TENM2: variants seen among roughly 807,000 people sequenced by gnomAD.
TENM2 encodes teneurin transmembrane protein 2.
TENM2 carries 52 observed loss-of-function variants against 245.2 expected under a neutral mutation model. The observed-to-expected ratio is 0.21, with a 90% CI of 0.17 to 0.27. TENM2 has a LOEUF of 0.27. Ranked by LOEUF, TENM2 falls within the 10% of genes least tolerant of loss-of-function variation. The pLI is 1.00. For synonymous variants in TENM2, 1,363 were observed against 1,438.9 expected (o/e 0.95, Z 1.19); for missense variants, 3,046 against 3,666.8 (o/e 0.83, Z 4.37).
At chr5:167,387,113 TA>T (rs1761479025) in intron 2 of TENM2, among the ~76,000 whole-genome samples, 1 of 152,134 alleles carries the variant, frequency 6.6e-6, no homozygotes, top group African/African-American at 2.4e-5. Flanking sequence ...GGTCGTTTTG[TA>T]ATATTGATTA....
chr5:167,203,370 C>T, the TENM2 span, among the ~76,000 whole-genome samples: 22 of 152,276 alleles, frequency 1.4e-4, no homozygotes, highest in South Asian at 4.1e-4. Flanking sequence ...TCTTTCTCTC[C>T]GACCACATAC....
chr5:167,432,016 G>C (rs1277661778), intron 2 of TENM2, among the ~76,000 whole-genome samples: 1 of 119,306 alleles, frequency 8.4e-6, no homozygotes, highest in Non-Finnish European at 1.8e-5. Context: ...AATTTTAAGT[G>C]TATATCTACA....
At chr5:167,750,058 C>T (rs1006583561) in intron 2 of TENM2, among the ~76,000 whole-genome samples, 3 of 151,980 alleles carry the variant, frequency 2.0e-5, no homozygotes, top group Non-Finnish European at 4.4e-5. Context: ...GAAGGCATAC[C>T]GGGGTGAACT....
chr5:167,487,130 T>C (rs1768124545), intron 2 of TENM2, among the ~76,000 whole-genome samples: 1 of 152,214 alleles, frequency 6.6e-6, no homozygotes, highest in African/African-American at 2.4e-5. Context: ...GGAGATTTTC[T>C]TTGAGGACGC....
rs138464920 is a variant in TENM2, at chr5:167,948,611, G to A, written c.713-3977G>A. On this transcript the variant is annotated intron_variant, in intron 3 of 28. Transcript: ENST00000518659. ...GTTCTGGACTGAAGGTAAATCAGGT[G>A]CAGTGTCAGGTCAGCACCAATATTT... 8.3e-4 allele frequency among the ~76,000 whole-genome samples: 126 copies of A among 152,274 alleles called. 2 individuals carry two copies. Among genetic ancestry groups the A allele is most frequent in the African/African-American group, 2.9e-3 (120 of 41,562 alleles).
At chr5:168,049,461 G>A (rs534638071) in intron 6 of TENM2, among the ~76,000 whole-genome samples, 7 of 152,208 alleles carry the variant, frequency 4.6e-5, no homozygotes, top group Non-Finnish European at 7.4e-5. Flanking sequence ...AATGCTTTTC[G>A]AGTAGTGTCC....
At chr5:167,441,732 G>A (rs2127460378) in intron 2 of TENM2, among the ~76,000 whole-genome samples, 1 of 152,314 alleles carries the variant, frequency 6.6e-6, no homozygotes, top group South Asian at 2.1e-4. Flanking sequence ...TGTTGATGAA[G>A]GGCTGAAGAA....
chr5:168,016,826 A>G (rs1216252932), intron 5 of TENM2, among the ~76,000 whole-genome samples: 1 of 152,236 alleles, frequency 6.6e-6, no homozygotes, highest in Non-Finnish European at 1.5e-5. Flanking sequence ...TTTGTCATCT[A>G]TAAAATGGTA....
At chr5:167,216,172 G>A in the TENM2 span, among the ~76,000 whole-genome samples, 1 of 152,234 alleles carries the variant, frequency 6.6e-6, no homozygotes, top group East Asian at 1.9e-4. Context: ...AGAATGGAAA[G>A]CGAAGGCAGT....
chr5:168,080,603 T>C lies in TENM2; in HGVS notation c.1516-9971T>C, dbSNP rs184749180. Among the ~76,000 whole-genome samples the C allele has an allele frequency of 5.3e-4, 80 of 152,352 alleles. 1 individual carries two copies. The highest frequency in any genetic ancestry group is 1.7e-3 in the African/African-American group (71 of 41,588). On this transcript the variant is annotated intron_variant, in intron 7 of 28. Coordinates refer to ENST00000518659, the Ensembl canonical transcript of TENM2. ...ATTTCCCTCTACACACGGTTTTAAG[T>C]GTGTCCCAGAGATTCTGGTATGTTG...
the TENM2 span, among the ~76,000 whole-genome samples, chr5:167,215,237 G>A: frequency 6.6e-6 from 1 of 152,172 alleles, no homozygotes; most frequent in African/African-American, 2.4e-5. Flanking sequence ...CACTTGAGAA[G>A]CTTTTGAAAA....
the TENM2 span, among the ~76,000 whole-genome samples, chr5:167,004,792 G>A: frequency 9.9e-5 from 15 of 152,254 alleles, no homozygotes; most frequent in East Asian, 2.9e-3. Flanking sequence ...TTACGTTATT[G>A]AATGTCAGAG....
chr5:167,580,673 T>A (rs754304993), intron 2 of TENM2, among the ~76,000 whole-genome samples: 1 of 152,236 alleles, frequency 6.6e-6, no homozygotes, highest in Non-Finnish European at 1.5e-5. Context: ...AGCAGATTTC[T>A]GTCTACTGAA....
At chr5:167,818,593 T>A (rs1428210423) in intron 2 of TENM2, among the ~76,000 whole-genome samples, 1 of 152,134 alleles carries the variant, frequency 6.6e-6, no homozygotes, top group Non-Finnish European at 1.5e-5. Flanking sequence ...GGGGTCAGCA[T>A]ATGACTGGCA....
In TENM2 at chr5:167,792,932, G is replaced by A. The variant is rs1043081300; in HGVS notation, c.503-83054G>A. Among the ~76,000 whole-genome samples, 8 of 152,078 alleles carry A rather than the reference G, an allele frequency of 5.3e-5. No individual in the cohort carries two copies. The South Asian group carries it at 1.0e-3, about 20-fold the overall frequency. On this transcript the variant is annotated intron_variant, in intron 2 of 28. Coordinates refer to ENST00000518659, the Ensembl canonical transcript of TENM2. The stretch of plus-strand genomic sequence containing the variant: ...CTGACTGAGCTTTCCAATTTGTCTC[G>A]TTCTTCCTTCTGCCCATCCTGCCAC...
intron 2 of TENM2, among the ~76,000 whole-genome samples, chr5:167,608,750 A>G (rs1186295405): frequency 6.6e-6 from 1 of 152,102 alleles, no homozygotes; most frequent in African/African-American, 2.4e-5. Flanking sequence ...AAAACAAAAC[A>G]TGATTTTTTT....
At chr5:167,020,570 T>C in the TENM2 span, among the ~76,000 whole-genome samples, 1 of 152,190 alleles carries the variant, frequency 6.6e-6, no homozygotes, top group Admixed American at 6.5e-5. Context: ...TTCTCAGCTA[T>C]AAAATAAGGA....
At chr5:167,019,895 G>A in the TENM2 span, among the ~76,000 whole-genome samples, 287 of 152,190 alleles carry the variant, frequency 1.9e-3, 2 homozygotes, top group East Asian at 0.03. Flanking sequence ...CTTATTTAGT[G>A]CCAAGAGCAA....
intron 2 of TENM2, among the ~76,000 whole-genome samples, chr5:167,518,881 C>T (rs1770574595): frequency 6.6e-6 from 1 of 152,030 alleles, no homozygotes; most frequent in African/African-American, 2.4e-5. Context: ...CTTCTTGGGC[C>T]TTGAGAATCT....
Sources: gnomAD v4.1 joint callset for allele counts (sites outside exome capture counted in the v4.1 genomes callset) on GRCh38, gnomAD v4.1.1 for gene constraint, MANE v1.5 for transcripts, NCBI Gene and HGNC (gene_info 2026-07-23, HGNC 2026-07-21) for gene names.